Variants in THAP3 observed in about 807,000 individuals in gnomAD.
THAP3 encodes the protein THAP domain containing 3.
In THAP3, 12 loss-of-function variants were observed where a neutral mutation model predicts 17.7. That is an observed-to-expected ratio of 0.68 (90% CI 0.43 to 1.10). The LOEUF is 1.10. Among genes scored for constraint, THAP3 ranks in the 50% least tolerant of loss-of-function variants. THAP3 has a pLI of 0.00. For missense variants in THAP3, 289 were observed against 318.0 expected (o/e 0.91, Z 0.69); for synonymous variants, 133 against 126.9 (o/e 1.05, Z -0.32).
intron 4 of THAP3, among the ~76,000 whole-genome samples, chr1:6,631,090 A>G (rs112004754): frequency 2.0e-4 from 31 of 152,004 alleles, no homozygotes; most frequent in African/African-American, 7.2e-4. Context: ...CAGCAGCCTC[A>G]ACCTCCCAGG....
intron 2 of THAP3, among the ~76,000 whole-genome samples, chr1:6,625,754 C>A (rs1027891437): frequency 6.6e-6 from 1 of 151,748 alleles, no homozygotes; most frequent in African/African-American, 2.4e-5. Flanking sequence ...TCGCCCGGCC[C>A]GGCCCGGCCC....
Position 6,633,519 on chromosome 1 carries a change from C to G in THAP3, c.*442C>G. The G allele has an allele frequency of 1.8e-6, 2 of 1,102,856 alleles. No homozygotes were observed. The highest frequency in any genetic ancestry group is 2.2e-6 in the Non-Finnish European group (2 of 900,960). 68.3% of individuals were successfully genotyped at this position (1,102,856 alleles called of 1,614,324 possible). On this transcript the variant is annotated 3_prime_UTR_variant, in exon 6 of 6. Transcript: ENST00000054650. Reference sequence around the variant, plus strand: ...GGGGTTCTAAGGAGTGACTCCTGTCCCGGCCTGGTGTGAGTGGGCAGTGTA... The same window carrying G: ...GGGGTTCTAAGGAGTGACTCCTGTCGCGGCCTGGTGTGAGTGGGCAGTGTA...
At chr1:6,625,416 G>A (rs949276433) in intron 2 of THAP3, 124 bp downstream of exon 2, 3 of 862,452 alleles carry the variant, frequency 3.5e-6, no homozygotes, top group African/African-American at 3.7e-5. Flanking sequence ...GGGACAGGCC[G>A]AGGTCCTGGG....
At chr1:6,631,524 T>C (rs1641613769) in intron 4 of THAP3, among the ~76,000 whole-genome samples, 2 of 152,096 alleles carry the variant, frequency 1.3e-5, no homozygotes, top group African/African-American at 4.8e-5. Context: ...TTCCCAGCAC[T>C]TTGGGAGGCC....
chr1:6,633,166 G>A lies in THAP3; in HGVS notation c.*89G>A, dbSNP rs763560114. 1.5e-5 allele frequency: 23 copies of A among 1,488,992 alleles called. No individual in the cohort carries two copies. The highest frequency in any genetic ancestry group is 2.1e-5 in the Non-Finnish European group (23 of 1,121,634). 92.2% of individuals were successfully genotyped at this position (1,488,992 alleles called of 1,614,324 possible). On this transcript the variant is annotated 3_prime_UTR_variant, in exon 6 of 6. Transcript: ENST00000054650. ...GGCTGTGGACATTTTTGTCTGCTGT[G>A]GACACTGAGAAAGTTGGCCATGAGG...
chr1:6,625,251 C>T lies in THAP3; in HGVS notation c.33C>T (p.Cys11=), dbSNP rs1641431241. Residue 11 remains cysteine (C), a synonymous_variant, in exon 2 of 6, where the codon TGC becomes TGT. Coordinates refer to ENST00000054650, the MANE Select transcript of THAP3 (RefSeq NM_001195753.2). ...AGTCGTGCGCGGCCCGGCAGTGCTG[C>T]AACCGCTACAGCAGCCGCAGGAAGC... The part of the protein sequence containing the change: MPKSCAARQC[C]NRYSSRRKQL... The T allele has an allele frequency of 3.9e-6, 6 of 1,545,498 alleles. No individual in the cohort carries two copies. The South Asian group carries it at 4.8e-5, about 12-fold the overall frequency.
downstream of THAP3, chr1:6,633,623 C>A (rs1464144898): frequency 9.3e-7 from 1 of 1,070,470 alleles, no homozygotes; most frequent in Non-Finnish European, 1.1e-6. Flanking sequence ...AGACTGACTT[C>A]CGTGGCCGGG....
chr1:6,634,183 G>C, downstream of THAP3: 5 of 1,195,282 alleles, frequency 4.2e-6, no homozygotes, highest in Non-Finnish European at 6.1e-6. Context: ...TTTCAGGAAA[G>C]GTTTATTGTG....
At chr1:6,628,291 C>T in intron 2 of THAP3, 1 of 522,694 alleles carries the variant, frequency 1.9e-6, no homozygotes, top group South Asian at 2.6e-5. Context: ...GCTCTCTGGC[C>T]ATGCTCGTGG....
chr1:6,634,153 G>A (rs1000160269), downstream of THAP3: 100 of 1,411,984 alleles, frequency 7.1e-5, no homozygotes, highest in Middle Eastern at 1.8e-4. Flanking sequence ...CACAATACAC[G>A]GAAGAGCGCC....
intron 2 of THAP3, among the ~76,000 whole-genome samples, chr1:6,627,185 G>C (rs1014978562): frequency 2.0e-5 from 3 of 152,160 alleles, no homozygotes; most frequent in Non-Finnish European, 2.9e-5. Context: ...GCCCTGGGGT[G>C]TGGGCCATGG....
In THAP3 at chr1:6,633,113, A is replaced by G. The variant is rs1005732917; in HGVS notation, c.*36A>G. ...CTCCGGACGCAGAGGTGGCAGTGGC[A>G]CCAGGGCCGGCAGAGCTTTGGAGCT... On this transcript the variant is annotated 3_prime_UTR_variant, in exon 6 of 6. Transcript: ENST00000054650. The G allele has an allele frequency of 1.3e-6, 2 of 1,563,032 alleles. No individual in the cohort carries two copies. The highest frequency in any genetic ancestry group is 3.8e-5 in the Admixed American group (2 of 52,036).
Position 6,633,314 on chromosome 1 carries a change from C to T in THAP3, c.*237C>T, listed in dbSNP as rs1227402383. The T allele has an allele frequency of 2.6e-5, 36 of 1,400,724 alleles. No individual in the cohort carries two copies. The East Asian group carries it at 8.8e-4, about 34-fold the overall frequency. The allele number at this position is 1,400,724 out of a possible 1,614,324, so 86.8% of individuals were successfully genotyped here. ...TCTGTGAGCATGACAAGCTTATCCT[C>T]CCATGGTAACAGAAGTCCAGGCTGA... On this transcript the variant is annotated 3_prime_UTR_variant, in exon 6 of 6. Coordinates refer to ENST00000054650, the MANE Select transcript of THAP3 (RefSeq NM_001195753.2).
At position 6,633,141 on chromosome 1, in the gene THAP3, G is replaced by T; in HGVS notation, c.*64G>T. 1.3e-6 allele frequency: 2 copies of T among 1,526,912 alleles called. No individual in the cohort carries two copies. The highest frequency in any genetic ancestry group is 2.5e-5 in the South Asian group (2 of 81,604). 94.6% of individuals were successfully genotyped at this position (1,526,912 alleles called of 1,614,324 possible). The stretch of plus-strand genomic sequence containing the variant: ...AGGGCCGGCAGAGCTTTGGAGCTCT[G>T]GCTGTGGACATTTTTGTCTGCTGTG... On this transcript the variant is annotated 3_prime_UTR_variant, in exon 6 of 6. Coordinates refer to ENST00000054650, the MANE Select transcript of THAP3 (RefSeq NM_001195753.2).
At position 6,632,855 on chromosome 1, in the gene THAP3, C is replaced by T; in HGVS notation, c.498C>T (p.Gly166=). The T allele has an allele frequency of 6.2e-7, 1 of 1,612,950 alleles. No individual in the cohort carries two copies. The highest frequency in any genetic ancestry group is 8.5e-7 in the Non-Finnish European group (1 of 1,179,898). The part of the protein sequence containing the change: ...EAVGRPTGPA[G]LRRTPNKQPS... ...TTGGCCGGCCGACTGGCCCTGCAGGCCTGAGAAGGACCCCCAACAAGCAGC... is the reference window on the plus strand; with the variant it reads ...TTGGCCGGCCGACTGGCCCTGCAGGTCTGAGAAGGACCCCCAACAAGCAGC... The change falls in exon 6 of 6, where the codon GGC becomes GGT. Residue 166 remains glycine (G), a synonymous_variant. Coordinates refer to ENST00000054650, the MANE Select transcript of THAP3 (RefSeq NM_001195753.2).
At chr1:6,630,240 T>C (rs781026750) in intron 3 of THAP3, 48 bp from the exon 4 acceptor site, 1 of 1,562,270 alleles carries the variant, frequency 6.4e-7, no homozygotes, top group South Asian at 1.1e-5. Flanking sequence ...TGCCCCGAGC[T>C]CTGAGGGTTC....
Position 6,633,214 on chromosome 1 carries a change from C to T in THAP3, c.*137C>T, listed in dbSNP as rs560380066. On this transcript the variant is annotated 3_prime_UTR_variant, in exon 6 of 6. Coordinates refer to ENST00000054650, the MANE Select transcript of THAP3 (RefSeq NM_001195753.2). ...AGGCCTGCTTGGCCGGGGATCGAGA[C>T]AGTAGCCAAGCTCCCCGGCGAGAGC... 1.5e-4 allele frequency: 219 copies of T among 1,451,532 alleles called. 1 individual carries two copies. The African/African-American group carries it at 2.4e-3, about 16-fold the overall frequency. 89.9% of individuals were successfully genotyped at this position (1,451,532 alleles called of 1,614,324 possible). A position where few individuals can be genotyped will look rare whatever the true frequency, so the allele number is the denominator to read the frequency against.
At chr1:6,634,682 A>G (rs746854479), downstream of THAP3, 12 of 1,366,252 alleles carry the variant, frequency 8.8e-6, no homozygotes, top group Admixed American at 9.5e-5. Flanking sequence ...CTGCATCCCA[A>G]GTGGGCACGT....
At chr1:6,627,205 G>A (rs940198616) in intron 2 of THAP3, among the ~76,000 whole-genome samples, 2 of 152,082 alleles carry the variant, frequency 1.3e-5, no homozygotes, top group East Asian at 3.9e-4. Context: ...GCCCAGGGGT[G>A]GCTTCTAGCC....
Sources: gnomAD v4.1 joint callset for allele counts (sites outside exome capture counted in the v4.1 genomes callset) on GRCh38, gnomAD v4.1.1 for gene constraint, MANE v1.5 for transcripts, NCBI Gene and HGNC (gene_info 2026-07-23, HGNC 2026-07-21) for gene names.